MAPK6: variants seen among roughly 807,000 people sequenced by gnomAD.
MAPK6 encodes mitogen-activated protein kinase 6.
In MAPK6, 19 loss-of-function variants were observed where a neutral mutation model predicts 59.3. The ratio of observed to expected loss-of-function variants is 0.32; its 90% CI spans 0.22 to 0.47. The LOEUF is 0.47. Ranked by LOEUF, MAPK6 falls within the 20% of genes least tolerant of loss-of-function variation. MAPK6 has a pLI of 1.00. For synonymous variants in MAPK6, 316 were observed against 290.3 expected (o/e 1.09, Z -0.90); for missense variants, 724 against 847.9 (o/e 0.85, Z 1.81).
At chr15:52,061,277 A>T in intron 4 of MAPK6, 22 bp from the exon 5 acceptor site, 1 of 1,590,748 alleles carries the variant, frequency 6.3e-7, no homozygotes, top group South Asian at 1.1e-5. Flanking sequence ...TTTCTGAAAA[A>T]CTTTTACCTT....
At chr15:52,024,231 C>T (rs1036673217) in intron 1 of MAPK6, among the ~76,000 whole-genome samples, 5 of 152,074 alleles carry the variant, frequency 3.3e-5, no homozygotes, top group Non-Finnish European at 5.9e-5. Context: ...CATCGTTTGA[C>T]AGCTAAGGAA....
At chr15:52,044,303 T>A (rs2031531882) in intron 1 of MAPK6, among the ~76,000 whole-genome samples, 1 of 152,126 alleles carries the variant, frequency 6.6e-6, no homozygotes, top group Admixed American at 6.6e-5. Context: ...ATTAAGCAGA[T>A]ACAAGACCCG....
rs545162769 is a variant in MAPK6, at chr15:52,039,456, A to G, written c.-631-6374A>G. On this transcript the variant is annotated intron_variant, in intron 1 of 5. Coordinates refer to ENST00000261845, the MANE Select transcript of MAPK6 (RefSeq NM_002748.4). ...CCTAATGTTAAAATGCATGTAGGCA[A>G]GGGCTTAAACAATTTAAGAACACAA... Among the ~76,000 whole-genome samples, 6 of 152,152 alleles carry G rather than the reference A, an allele frequency of 3.9e-5. No homozygotes were observed. In the South Asian group the frequency reaches 6.2e-4, roughly 16 times the overall value.
At chr15:52,053,614 GATTGATTGATTGGTTGATTGA>G in intron 3 of MAPK6, among the ~76,000 whole-genome samples, 1 of 3,154 alleles carries the variant, frequency 3.2e-4, no homozygotes, top group Non-Finnish European at 6.8e-4. Context: ...TTGATTGATT[GATTGATTGATTGGTTGATTGA>G]TTGATTGATT....
intron 2 of MAPK6, among the ~76,000 whole-genome samples, chr15:51,992,869 T>C (rs1338512649): frequency 5.9e-5 from 9 of 152,116 alleles, no homozygotes; most frequent in Admixed American, 5.9e-4. Flanking sequence ...AGGACTTCCA[T>C]GCCGCCTCTG....
intron 2 of MAPK6, among the ~76,000 whole-genome samples, chr15:51,992,371 G>A (rs529239422): frequency 4.7e-5 from 7 of 147,592 alleles, no homozygotes; most frequent in Non-Finnish European, 8.9e-5. Flanking sequence ...GTGCGATCTC[G>A]GCTCACTGCA....
chr15:52,036,834 C>G (rs2031257807), intron 1 of MAPK6, among the ~76,000 whole-genome samples: 1 of 151,868 alleles, frequency 6.6e-6, no homozygotes, highest in African/African-American at 2.4e-5. Context: ...CTCCCCTCCC[C>G]TCCCCTTTTT....
intron 2 of MAPK6, among the ~76,000 whole-genome samples, chr15:51,992,031 A>G (rs2141817365): frequency 6.6e-6 from 1 of 152,194 alleles, no homozygotes; most frequent in African/African-American, 2.4e-5. Flanking sequence ...ATCACAGTTC[A>G]CTGCAGCCTC....
rs553168905 is a variant in MAPK6 at position 52,000,016 on chromosome 15, G to A, written c.-769-4249G>A. Among the ~76,000 whole-genome samples, 6 of 152,230 alleles carry A rather than the reference G, an allele frequency of 3.9e-5. No individual in the cohort carries two copies. The East Asian group carries it at 1.2e-3, about 29-fold the overall frequency. ...TGCAGTGCTGCAATCACAGCTTACT[G>A]CAGCCCGGACTTCCCAGCTCAAGTG... On this transcript the variant is annotated intron_variant, in intron 2 of 7. Transcript: ENST00000691380.
intron 5 of MAPK6, among the ~76,000 whole-genome samples, chr15:52,062,011 T>C (rs1235486854): frequency 6.6e-6 from 1 of 151,932 alleles, no homozygotes; most frequent in African/African-American, 2.4e-5. Flanking sequence ...ATCTCCAGTG[T>C]CTCAGTGGTA....
intron 2 of MAPK6, among the ~76,000 whole-genome samples, chr15:52,001,815 A>G (rs1595963332): frequency 1.3e-5 from 2 of 152,210 alleles, no homozygotes; most frequent in South Asian, 4.1e-4. Context: ...GGCCGCATGT[A>G]GCCCTTAATA....
Position 52,064,019 on chromosome 15 carries a change from A to G in MAPK6, c.1185A>G (p.Gln395=), listed in dbSNP as rs766805978. Residue 395 remains glutamine (Q), a synonymous_variant, in exon 6 of 6, where the codon CAA becomes CAG. Coordinates refer to ENST00000261845, the MANE Select transcript of MAPK6 (RefSeq NM_002748.4). ...ATGTCACTGATGAAGAAGAAGTACA[A>G]GTTGATCCCCGAAAATATTTGGATG... ...LSDVTDEEEV[Q]VDPRKYLDGD... The G allele has an allele frequency of 6.8e-6, 11 of 1,613,714 alleles. No homozygotes were observed. The highest frequency in any genetic ancestry group is 1.6e-4 in the Middle Eastern group (1 of 6,076).
chr15:52,059,707 A>G (rs150915356), intron 4 of MAPK6, among the ~76,000 whole-genome samples: 73 of 152,306 alleles, frequency 4.8e-4, no homozygotes, highest in African/African-American at 1.7e-3. Context: ...TAAACTGAAT[A>G]TTTGGCCACT....
intron 2 of MAPK6, among the ~76,000 whole-genome samples, chr15:51,992,303 A>ATTT (rs1388505754): frequency 1.1e-4 from 10 of 92,794 alleles, no homozygotes; most frequent in East Asian, 4.8e-4. Flanking sequence ...ATATATATAT[A>ATTT]TATTTTTTTT....
At chr15:51,998,687 A>ATTTTTATTTTTTTTTTTTTTTT (rs2057233169) in intron 2 of MAPK6, among the ~76,000 whole-genome samples, 1 of 38,472 alleles carries the variant, frequency 2.6e-5, no homozygotes, top group African/African-American at 8.8e-5. Context: ...TGCCTGGTTA[A>ATTTTTATTTTTTTTTTTTTTTT]TTTTTTTTTT....
intron 1 of MAPK6, among the ~76,000 whole-genome samples, chr15:52,034,730 C>T (rs1220204538): frequency 1.3e-5 from 2 of 151,874 alleles, no homozygotes; most frequent in African/African-American, 4.8e-5. Context: ...TGGAATCTTC[C>T]TCTGTTGCCC....
intron 2 of MAPK6, among the ~76,000 whole-genome samples, chr15:51,992,023 C>T (rs1395071241): frequency 1.3e-5 from 2 of 152,092 alleles, no homozygotes; most frequent in African/African-American, 4.8e-5. Flanking sequence ...GTGGCTTGAT[C>T]ACAGTTCACT....
intron 1 of MAPK6, among the ~76,000 whole-genome samples, chr15:52,042,520 G>T (rs1046854576): frequency 2.6e-5 from 4 of 151,776 alleles, no homozygotes; most frequent in Non-Finnish European, 1.5e-5. Context: ...AGTTTGTGAG[G>T]CTTGGTCTCA....
At position 51,991,148 on chromosome 15, in the gene MAPK6, T is replaced by TACACACACAC. The variant is rs933912695; in HGVS notation, c.-770+7857_-770+7866dup. Among the ~76,000 whole-genome samples the TACACACACAC allele has an allele frequency of 8.1e-3, 1,139 of 140,700 alleles. 5 individuals carry two copies. The highest frequency in any genetic ancestry group is 0.011 in the Non-Finnish European group (748 of 66,068). 92.3% of individuals were successfully genotyped at this position (140,700 alleles called of 152,430 possible). A position where few individuals can be genotyped will look rare whatever the true frequency, so the allele number is the denominator to read the frequency against. On this transcript the variant is annotated intron_variant, in intron 2 of 7. Transcript: ENST00000691380. ...CATCTCAAAAAGAAATATATATATA[T>TACACACACAC]ACACACACACACACACACACACACA...
Sources: gnomAD v4.1 joint callset for allele counts (sites outside exome capture counted in the v4.1 genomes callset) on GRCh38, gnomAD v4.1.1 for gene constraint, MANE v1.5 for transcripts, NCBI Gene and HGNC (gene_info 2026-07-23, HGNC 2026-07-21) for gene names.